The following DCLK1 variants were observed in gnomAD, a reference collection of about 807,000 sequenced individuals.
DCLK1 encodes the protein serine/threonine-protein kinase DCLK1.
Under a neutral mutation model 86.2 loss-of-function variants are expected in DCLK1, and 16 were observed. The ratio of observed to expected loss-of-function variants is 0.19; its 90% CI spans 0.13 to 0.28. The LOEUF (loss-of-function observed/expected upper bound fraction) is 0.28. DCLK1 is among the 10% of genes least tolerant of loss of function. DCLK1 has a pLI of 1.00. For missense variants in DCLK1, 590 were observed against 940.2 expected (o/e 0.63, Z 4.87); for synonymous variants, 369 against 370.5 (o/e 1.00, Z 0.05).
chr13:35,993,946 C>CA (rs1365890305), intron 3 of DCLK1, among the ~76,000 whole-genome samples: 4 of 151,764 alleles, frequency 2.6e-5, no homozygotes, highest in African/African-American at 9.7e-5. Flanking sequence ...ATATGAAAGG[C>CA]AGGAGTGAGG....
intron 3 of DCLK1, among the ~76,000 whole-genome samples, chr13:36,004,775 G>C (rs1192225000): frequency 6.6e-6 from 1 of 151,998 alleles, no homozygotes; most frequent in African/African-American, 2.4e-5. Context: ...ACAGGGTTTT[G>C]CCATGTTGTC....
intron 11 of DCLK1, among the ~76,000 whole-genome samples, chr13:35,812,548 G>A (rs949654111): frequency 3.9e-5 from 6 of 152,170 alleles, no homozygotes; most frequent in South Asian, 2.1e-4. Flanking sequence ...TTAACTTTGC[G>A]TTTCACTGCA....
At chr13:35,859,993 G>A (rs769151673) in intron 5 of DCLK1, among the ~76,000 whole-genome samples, 7 of 152,178 alleles carry the variant, frequency 4.6e-5, no homozygotes, top group Non-Finnish European at 7.3e-5. Flanking sequence ...ATCTCCAAGC[G>A]AGACTATCTA....
At chr13:35,913,856 T>C (rs2153125260) in intron 4 of DCLK1, among the ~76,000 whole-genome samples, 1 of 152,272 alleles carries the variant, frequency 6.6e-6, no homozygotes, top group Non-Finnish European at 1.5e-5. Flanking sequence ...AACTTGGCAG[T>C]TTAAAACTAA....
rs187789174 is a variant in DCLK1, at chr13:36,119,623, G to A, written c.376+6139C>T. Among the ~76,000 whole-genome samples, 275 of 152,268 alleles carry A rather than the reference G, an allele frequency of 1.8e-3. 2 individuals carry two copies. The highest frequency in any genetic ancestry group is 6.8e-3 in the Middle Eastern group (2 of 294). On this transcript the variant is annotated intron_variant, in intron 2 of 16. Transcript: ENST00000360631. ...AAATGATGTACTGAGGACAAAACAT[G>A]ACTTCTGTGCATAACATCAATCTAA...
intron 15 of DCLK1, among the ~76,000 whole-genome samples, chr13:35,795,777 G>A (rs2086795417): frequency 6.6e-6 from 1 of 151,936 alleles, no homozygotes; most frequent in African/African-American, 2.4e-5. Flanking sequence ...AAAATTAGCT[G>A]GGCATGGTGG....
chr13:35,777,706 G>A (rs1226501275), intron 16 of DCLK1, among the ~76,000 whole-genome samples: 2 of 152,144 alleles, frequency 1.3e-5, no homozygotes, highest in Non-Finnish European at 2.9e-5. Context: ...GATGACAGAG[G>A]TGCAGTTTTC....
intron 8 of DCLK1, among the ~76,000 whole-genome samples, chr13:35,831,540 G>A (rs574490857): frequency 3.3e-5 from 5 of 152,132 alleles, no homozygotes; most frequent in Non-Finnish European, 4.4e-5. Context: ...GTGGGACGCA[G>A]GGCTCTTTGG....
intron 6 of DCLK1, chr13:35,848,155 T>C (rs1870349478): frequency 3.0e-6 from 3 of 985,182 alleles, no homozygotes; most frequent in African/African-American, 3.5e-5. Context: ...AGGACAAAAC[T>C]GCGTGGCTTT....
At chr13:36,040,795 G>A (rs1447582848) in intron 3 of DCLK1, among the ~76,000 whole-genome samples, 2 of 152,030 alleles carry the variant, frequency 1.3e-5, no homozygotes, top group African/African-American at 2.4e-5. Flanking sequence ...ATGAACCATG[G>A]ATATTTACTT....
chr13:35,986,050 TC>T (rs1879887645), intron 3 of DCLK1, among the ~76,000 whole-genome samples: 1 of 151,982 alleles, frequency 6.6e-6, no homozygotes, highest in African/African-American at 2.4e-5. Context: ...ATGCCTGTAA[TC>T]CCAGCACTTT....
chr13:36,124,276 A>G (rs1886092204), intron 2 of DCLK1, among the ~76,000 whole-genome samples: 1 of 152,250 alleles, frequency 6.6e-6, no homozygotes, highest in African/African-American at 2.4e-5. Context: ...GGGCACAGAA[A>G]TTAAAGCTGA....
At position 36,096,471 on chromosome 13, in the gene DCLK1, C is replaced by T. The variant is rs114815615; in HGVS notation, c.723+15398G>A. ...ATCCCCCAGGTGCAGCTTTACTGTA[C>T]GGCAGAATATTAAAATGCACAATTA... On this transcript the variant is annotated intron_variant, in intron 3 of 16. Coordinates refer to ENST00000360631, the MANE Select transcript of DCLK1 (RefSeq NM_001330071.2). Among the ~76,000 whole-genome samples, 1,409 of 152,168 alleles carry T rather than the reference C, an allele frequency of 9.3e-3. 16 individuals carry two copies. Among genetic ancestry groups the T allele is most frequent in the African/African-American group, 0.032 (1,333 of 41,498 alleles).
chr13:35,904,276 C>T (rs1157908672), intron 4 of DCLK1, among the ~76,000 whole-genome samples: 1 of 152,168 alleles, frequency 6.6e-6, no homozygotes, highest in Non-Finnish European at 1.5e-5. Context: ...AGTGCAGTGG[C>T]TCGATCTTGG....
intron 3 of DCLK1, among the ~76,000 whole-genome samples, chr13:36,051,633 C>T (rs1387583057): frequency 2.0e-5 from 3 of 152,060 alleles, no homozygotes; most frequent in Non-Finnish European, 4.4e-5. Context: ...TTCATTCAGT[C>T]ACTAAATCTC....
At chr13:35,982,969 G>T (rs141950567) in intron 3 of DCLK1, among the ~76,000 whole-genome samples, 1 of 151,932 alleles carries the variant, frequency 6.6e-6, no homozygotes, top group Non-Finnish European at 1.5e-5. Flanking sequence ...TCACCATGTT[G>T]GTCAGGTTGG....
At chr13:36,029,806 A>T (rs984963814) in intron 3 of DCLK1, among the ~76,000 whole-genome samples, 2 of 152,212 alleles carry the variant, frequency 1.3e-5, no homozygotes, top group African/African-American at 2.4e-5. Flanking sequence ...TGTTCATGTG[A>T]TATTTAGTGA....
At chr13:36,106,080 C>A (rs1194706969) in intron 3 of DCLK1, among the ~76,000 whole-genome samples, 1 of 152,156 alleles carries the variant, frequency 6.6e-6, no homozygotes, top group Non-Finnish European at 1.5e-5. Flanking sequence ...ACTTAGAATT[C>A]ATTTTACAGC....
At chr13:36,044,630 G>C (rs1347360221) in intron 3 of DCLK1, among the ~76,000 whole-genome samples, 18 of 152,056 alleles carry the variant, frequency 1.2e-4, no homozygotes, top group Admixed American at 1.2e-3. Context: ...CAAGCAAAAA[G>C]AGCAAATTTT....
Sources: allele counts gnomAD v4.1 joint callset (sites outside exome capture counted in the v4.1 genomes callset), GRCh38; gene constraint gnomAD v4.1.1; transcripts MANE v1.5; gene names NCBI Gene and HGNC (gene_info 2026-07-23, HGNC 2026-07-21).